PCDH9: variants seen among roughly 807,000 people sequenced by gnomAD.
PCDH9 encodes the protein protocadherin 9, also known as protocadherin-9.
Under a neutral mutation model 70.6 loss-of-function variants are expected in PCDH9, and 24 were observed. The observed-to-expected ratio is 0.34, with a 90% CI of 0.25 to 0.48. The LOEUF (loss-of-function observed/expected upper bound fraction) is 0.48, where lower values mean the gene tolerates loss of function less well. Among genes scored for constraint, PCDH9 ranks in the 20% least tolerant of loss-of-function variants. The pLI is 0.99. For missense variants in PCDH9, 1,281 were observed against 1,503.6 expected (o/e 0.85, Z 2.45); for synonymous variants, 562 against 558.5 (o/e 1.01, Z -0.09).
chr13:66,979,980 T>G (rs2083705999), intron 2 of PCDH9, among the ~76,000 whole-genome samples: 1 of 152,160 alleles, frequency 6.6e-6, no homozygotes, highest in Admixed American at 6.6e-5. Context: ...TTCTCATAGC[T>G]CAGTGCTCAA....
intron 4 of PCDH9, among the ~76,000 whole-genome samples, chr13:66,384,608 G>A (rs868768437): frequency 1.3e-5 from 2 of 152,010 alleles, no homozygotes; most frequent in African/African-American, 4.8e-5. Flanking sequence ...TAGTCCTCAC[G>A]TTGTACCTTA....
intron 2 of PCDH9, among the ~76,000 whole-genome samples, chr13:67,157,526 A>G (rs1413318928): frequency 1.3e-5 from 2 of 152,214 alleles, no homozygotes; most frequent in East Asian, 3.8e-4. Context: ...CATATATATG[A>G]TTATAGCACT....
At chr13:67,084,573 C>T (rs1393395533) in intron 2 of PCDH9, among the ~76,000 whole-genome samples, 2 of 152,208 alleles carry the variant, frequency 1.3e-5, no homozygotes, top group East Asian at 3.9e-4. Context: ...GACTTCCTTG[C>T]TTGGTGACCT....
chr13:67,092,242 G>T (rs1025961704), intron 2 of PCDH9, among the ~76,000 whole-genome samples: 7 of 151,926 alleles, frequency 4.6e-5, no homozygotes, highest in African/African-American at 1.7e-4. Context: ...TTGTATTTCT[G>T]GCTTATGATA....
At chr13:66,313,008 T>A (rs1955590122) in intron 4 of PCDH9, among the ~76,000 whole-genome samples, 4 of 152,212 alleles carry the variant, frequency 2.6e-5, no homozygotes, top group African/African-American at 9.6e-5. Flanking sequence ...TCACTAAGAA[T>A]GAAGAGCATT....
chr13:66,451,036 C>T (rs577025012), intron 4 of PCDH9, among the ~76,000 whole-genome samples: 10 of 152,172 alleles, frequency 6.6e-5, no homozygotes, highest in Non-Finnish European at 1.0e-4. Context: ...AAAGGGATAG[C>T]GTTAGGAGAT....
chr13:66,844,368 C>T (rs944892773), intron 3 of PCDH9, among the ~76,000 whole-genome samples: 2 of 152,044 alleles, frequency 1.3e-5, no homozygotes, highest in Admixed American at 6.6e-5. Context: ...GAGTGGATCC[C>T]GAGGTCAGGA....
chr13:66,397,630 GTA>G lies in PCDH9; in HGVS notation c.3341-92604_3341-92603del, dbSNP rs201714639. On this transcript the variant is annotated intron_variant, in intron 4 of 4. Coordinates refer to ENST00000377865, the MANE Select transcript of PCDH9 (RefSeq NM_203487.3). The stretch of plus-strand genomic sequence containing the variant: ...ATATATGTGTATATATACATATTTT[GTA>G]TATATATACACAAAATATATGTACA... Among the ~76,000 whole-genome samples, 138 of 150,740 alleles carry G rather than the reference GTA, an allele frequency of 9.2e-4. 2 individuals are homozygous for G. The East Asian group carries it at 9.6e-3, about 10-fold the overall frequency.
At chr13:66,419,678 C>T (rs577243643) in intron 4 of PCDH9, among the ~76,000 whole-genome samples, 12 of 152,186 alleles carry the variant, frequency 7.9e-5, no homozygotes, top group South Asian at 6.2e-4. Flanking sequence ...AGATTCCCTC[C>T]GGTGCCTACA....
intron 2 of PCDH9, among the ~76,000 whole-genome samples, chr13:67,115,029 G>T (rs1203649916): frequency 1.3e-5 from 2 of 151,848 alleles, no homozygotes; most frequent in African/African-American, 4.8e-5. Flanking sequence ...TGTTTGTTTT[G>T]TTTTGTACAA....
At chr13:66,687,771 C>T (rs1245996757) in intron 3 of PCDH9, among the ~76,000 whole-genome samples, 1 of 152,080 alleles carries the variant, frequency 6.6e-6, no homozygotes, top group African/African-American at 2.4e-5. Flanking sequence ...CAAAAATAAT[C>T]AGTAAATGAG....
At chr13:66,553,214 G>A (rs181681229) in intron 4 of PCDH9, among the ~76,000 whole-genome samples, 1 of 152,212 alleles carries the variant, frequency 6.6e-6, no homozygotes, top group Non-Finnish European at 1.5e-5. Context: ...TTTTGATGCA[G>A]GCTGAAGAAA....
At chr13:66,829,434 G>A (rs80286814) in intron 3 of PCDH9, among the ~76,000 whole-genome samples, 2,095 of 152,082 alleles carry the variant, frequency 0.014, 80 homozygotes, top group East Asian at 0.072. Context: ...GTGTTTACTT[G>A]GGTTGGACTG....
intron 2 of PCDH9, among the ~76,000 whole-genome samples, chr13:66,904,093 C>A (rs1212270265): frequency 6.6e-6 from 1 of 151,812 alleles, no homozygotes; most frequent in Non-Finnish European, 1.5e-5. Flanking sequence ...TCCTTAGCTA[C>A]CACATGAACT....
chr13:66,616,269 G>A (rs1593782789), intron 4 of PCDH9, among the ~76,000 whole-genome samples: 1 of 152,206 alleles, frequency 6.6e-6, no homozygotes, highest in African/African-American at 2.4e-5. Context: ...AGATTCTTGT[G>A]GAACAGACGT....
chr13:66,797,530 A>C (rs1041007254), intron 3 of PCDH9, among the ~76,000 whole-genome samples: 5 of 152,140 alleles, frequency 3.3e-5, no homozygotes, highest in African/African-American at 1.2e-4. Flanking sequence ...CATCAGTGTA[A>C]ATTTTAAAAC....
At chr13:66,518,403 C>A (rs993030987) in intron 4 of PCDH9, among the ~76,000 whole-genome samples, 3 of 152,006 alleles carry the variant, frequency 2.0e-5, no homozygotes, top group Non-Finnish European at 4.4e-5. Context: ...TCCCTATTTT[C>A]CTGAATCATC....
rs1421739670 is a variant in PCDH9 at position 67,226,641 on chromosome 13, A to G, written c.1800T>C (p.Asp600=). 1 of 1,614,086 alleles carries G rather than the reference A, an allele frequency of 6.2e-7. No individual in the cohort carries two copies. The highest frequency in any genetic ancestry group is 8.5e-7 in the Non-Finnish European group (1 of 1,179,932). Residue 600 remains aspartate (D), a synonymous_variant, in exon 2 of 5, where the codon GAT becomes GAC. Coordinates refer to ENST00000377865, the MANE Select transcript of PCDH9 (RefSeq NM_203487.3). The surrounding 1 kb of genome is among the most constrained non-coding windows in gnomAD (Gnocchi z 5.0). ...GAGTCACAGCTTTATTCTCTCCAGC[A>G]TCTGCATCTGTCACTGTGATTACCC... is the stretch of plus-strand genomic sequence containing the variant. ...TVGVITVTDA[D]AGENKAVTLS... is the part of the protein sequence containing the mutation.
intron 2 of PCDH9, among the ~76,000 whole-genome samples, chr13:67,172,714 C>A (rs2088326323): frequency 6.6e-6 from 1 of 151,788 alleles, no homozygotes; most frequent in Non-Finnish European, 1.5e-5. Context: ...CCCATCTCTA[C>A]TAAAAATACA....
Sources: allele counts gnomAD v4.1 joint callset (sites outside exome capture counted in the v4.1 genomes callset), GRCh38; gene constraint gnomAD v4.1.1; non-coding constraint Gnocchi (gnomAD v3.1); transcripts MANE v1.5; gene names NCBI Gene and HGNC (gene_info 2026-07-23, HGNC 2026-07-21).